METAP2: variants seen among roughly 807,000 people sequenced by gnomAD.
METAP2 encodes the protein methionine aminopeptidase 2.
In METAP2, 25 loss-of-function variants were observed where a neutral mutation model predicts 59.4. The ratio of observed to expected loss-of-function variants is 0.42; its 90% CI spans 0.31 to 0.59. The LOEUF (loss-of-function observed/expected upper bound fraction) is 0.59, where lower values mean the gene tolerates loss of function less well. Among genes scored for constraint, METAP2 ranks in the 20% least tolerant of loss-of-function variants. The pLI, the probability that METAP2 is intolerant of heterozygous loss-of-function variation, is 0.16. For synonymous variants in METAP2, 214 were observed against 194.1 expected, an observed-to-expected ratio of 1.10 and a Z score of -0.85; for missense variants, 366 against 581.2, an observed-to-expected ratio of 0.63 and a Z score of 3.81.
chr12:95,509,390 A>G (rs2076384839), intron 8 of METAP2, among the ~76,000 whole-genome samples: 1 of 152,178 alleles, frequency 6.6e-6, no homozygotes, highest in Non-Finnish European at 1.5e-5. Context: ...GAGGTAAGGA[A>G]GACAGAGGTT....
intron 1 of METAP2, among the ~76,000 whole-genome samples, chr12:95,475,296 A>G (rs1001877529): frequency 1.4e-4 from 21 of 152,332 alleles, no homozygotes; most frequent in African/African-American, 5.1e-4. Flanking sequence ...TTTTGATTAG[A>G]TAGGAATGGA....
chr12:95,482,257 G>A (rs566333361), intron 2 of METAP2: 234 of 419,350 alleles, frequency 5.6e-4, no homozygotes, highest in Non-Finnish European at 9.4e-4. Context: ...GACTATGGGC[G>A]CATACCACCA....
At chr12:95,497,452 A>C (rs1488186660) in intron 7 of METAP2, among the ~76,000 whole-genome samples, 1 of 152,238 alleles carries the variant, frequency 6.6e-6, no homozygotes, top group Non-Finnish European at 1.5e-5. Context: ...TGTATATACC[A>C]CATTTTTGCT....
chr12:95,483,013 A>ACT (rs2076170131), intron 2 of METAP2, among the ~76,000 whole-genome samples: 1 of 152,226 alleles, frequency 6.6e-6, no homozygotes, highest in Non-Finnish European at 1.5e-5. Context: ...CTTCCCTAGT[A>ACT]GCTGGGACTA....
At chr12:95,509,847 C>CCCACG (rs2076389026) in intron 8 of METAP2, among the ~76,000 whole-genome samples, 1 of 131,634 alleles carries the variant, frequency 7.6e-6, no homozygotes, top group Non-Finnish European at 1.6e-5. Flanking sequence ...CCCCCCCAAC[C>CCCACG]TTTTTTTTTT....
At chr12:95,494,473 G>A (rs2140151638) in intron 5 of METAP2, among the ~76,000 whole-genome samples, 1 of 152,238 alleles carries the variant, frequency 6.6e-6, no homozygotes, top group East Asian at 1.9e-4. Context: ...CTGTTATTTT[G>A]CTATCTAACA....
chr12:95,512,981 T>A (rs2140169277), intron 10 of METAP2, 65 bp downstream of exon 10: 1 of 946,848 alleles, frequency 1.1e-6, no homozygotes, highest in Non-Finnish European at 1.7e-6. Context: ...ACAGCATTTC[T>A]AAAAAATGTG....
intron 1 of METAP2, among the ~76,000 whole-genome samples, chr12:95,475,792 C>A (rs1472668086): frequency 1.3e-5 from 2 of 152,060 alleles, no homozygotes; most frequent in Non-Finnish European, 1.5e-5. Context: ...ACCACTATTA[C>A]AAGTTAAACT....
chr12:95,494,310 T>G, intron 5 of METAP2, 93 bp downstream of exon 5: 1 of 1,200,770 alleles, frequency 8.3e-7, no homozygotes, highest in Non-Finnish European at 1.2e-6. Flanking sequence ...ATTACCACTT[T>G]GCTAAATCTT....
intron 7 of METAP2, among the ~76,000 whole-genome samples, chr12:95,498,407 T>C (rs1265868988): frequency 6.6e-6 from 1 of 152,178 alleles, no homozygotes; most frequent in African/African-American, 2.4e-5. Context: ...TTACTCCGGA[T>C]ATTGTGTTTT....
chr12:95,479,584 A>G (rs1322300693), intron 2 of METAP2, among the ~76,000 whole-genome samples: 1 of 152,036 alleles, frequency 6.6e-6, no homozygotes, highest in African/African-American at 2.4e-5. Flanking sequence ...TCATTAACAT[A>G]TAATTTCCCT....
At chr12:95,512,960 C>A in intron 10 of METAP2, 44 bp downstream of exon 10, 1 of 1,127,314 alleles carries the variant, frequency 8.9e-7, no homozygotes, top group South Asian at 1.3e-5. Context: ...ATTAGCATCT[C>A]TTCTGAGTTA....
At chr12:95,507,511 T>C (rs1038894508) in intron 8 of METAP2, among the ~76,000 whole-genome samples, 2 of 152,248 alleles carry the variant, frequency 1.3e-5, no homozygotes. Flanking sequence ...TTCTCCCTAT[T>C]CTTATGTTTT....
intron 9 of METAP2, 46 bp downstream of exon 9, chr12:95,512,044 C>T: frequency 2.2e-6 from 3 of 1,385,388 alleles, no homozygotes; most frequent in Non-Finnish European, 3.1e-6. Context: ...ACATTTTTTT[C>T]TTCCAAGCAG....
At chr12:95,495,428 CCTTT>C (rs1275854174) in intron 6 of METAP2, among the ~76,000 whole-genome samples, 6 of 151,968 alleles carry the variant, frequency 3.9e-5, no homozygotes, top group Admixed American at 1.3e-4. Flanking sequence ...CATTATCCTA[CCTTT>C]CTTTAGGTCA....
intron 8 of METAP2, 79 bp from the exon 9 acceptor site, chr12:95,511,816 C>G: frequency 2.1e-6 from 2 of 964,154 alleles, no homozygotes; most frequent in South Asian, 1.6e-5. Context: ...AATGCTTGAA[C>G]TCTGTACCAA....
At chr12:95,504,213 G>A in intron 8 of METAP2, 52 bp downstream of exon 8, 1 of 1,284,348 alleles carries the variant, frequency 7.8e-7, no homozygotes, top group Non-Finnish European at 1.1e-6. Flanking sequence ...ACAAACTATT[G>A]TCGAGTGTTT....
chr12:95,494,314 A>G (rs1565780456), intron 5 of METAP2, 97 bp downstream of exon 5: 2 of 1,171,172 alleles, frequency 1.7e-6, no homozygotes, highest in South Asian at 1.6e-5. Context: ...CCACTTTGCT[A>G]AATCTTTAAG....
At chr12:95,487,616 CTCT>C (rs1302974551) in intron 4 of METAP2, among the ~76,000 whole-genome samples, 3 of 147,376 alleles carry the variant, frequency 2.0e-5, no homozygotes, top group Non-Finnish European at 3.0e-5. Flanking sequence ...TGCTTGTTCC[CTCT>C]TCTTTTCCTT....
Sources: allele counts gnomAD v4.1 joint callset (sites outside exome capture counted in the v4.1 genomes callset), GRCh38; gene constraint gnomAD v4.1.1; transcripts MANE v1.5; gene names NCBI Gene and HGNC (gene_info 2026-07-23, HGNC 2026-07-21).